Variants in DNAH7 observed in about 807,000 individuals in gnomAD.
DNAH7 encodes dynein axonemal heavy chain 7.
Under a neutral mutation model 444.6 loss-of-function variants are expected in DNAH7, and 397 were observed. The ratio of observed to expected loss-of-function variants is 0.89; its 90% confidence interval spans 0.82 to 0.97. The LOEUF (loss-of-function observed/expected upper bound fraction) is 0.97. DNAH7 is among the 50% of genes least tolerant of loss of function. The pLI, the probability that DNAH7 is intolerant of heterozygous loss-of-function variation, is 0.00. For missense variants in DNAH7, 4,902 were observed against 4,800.8 expected, an observed-to-expected ratio of 1.02 and a Z score of -0.62; for synonymous variants, 1,636 against 1,624.4, an observed-to-expected ratio of 1.01 and a Z score of -0.17.
rs555297932 is a variant in DNAH7 at position 195,837,971 on chromosome 2, T to A, written c.8946-3611A>T. 5.3e-5 allele frequency among the ~76,000 whole-genome samples: 8 copies of A among 152,258 alleles called. 1 individual carries two copies. The South Asian group carries it at 1.7e-3, about 32-fold the overall frequency. ...AAGTATAAAAAAGGTGCCCCTGGGA[T>A]ATGGAAAGTGGGGCAGGGGTAGGAT... On this transcript the variant is annotated intron_variant, in intron 47 of 64. Coordinates refer to ENST00000312428, the MANE Select transcript of DNAH7 (RefSeq NM_018897.3).
intron 28 of DNAH7, among the ~76,000 whole-genome samples, chr2:195,898,137 T>C (rs775990628): frequency 2.6e-5 from 4 of 152,182 alleles, no homozygotes; most frequent in Non-Finnish European, 5.9e-5. Context: ...TTATTAAAAG[T>C]GGGCAATCAT....
At chr2:195,909,923 T>C in intron 25 of DNAH7, 104 bp downstream of exon 25, 1 of 1,215,066 alleles carries the variant, frequency 8.2e-7, no homozygotes, top group African/African-American at 1.5e-5. Context: ...TTACTTTTAC[T>C]TAAGCTACAG....
intron 24 of DNAH7, among the ~76,000 whole-genome samples, chr2:195,910,979 C>T (rs1687324871): frequency 6.6e-6 from 1 of 152,130 alleles, no homozygotes; most frequent in Non-Finnish European, 1.5e-5. Flanking sequence ...CAGAAAAAAA[C>T]TCTAGAGTCT....
intron 5 of DNAH7, among the ~76,000 whole-genome samples, chr2:196,046,596 C>T (rs934717788): frequency 1.3e-5 from 2 of 152,090 alleles, no homozygotes; most frequent in African/African-American, 4.8e-5. Context: ...AAACTCGAAA[C>T]CACTCTAGAA....
Position 196,047,443 on chromosome 2 carries a change from TATC to T in DNAH7, c.304_306del (p.Asp102del), listed in dbSNP as rs1559367782. 1.2e-6 allele frequency: 2 copies of T among 1,604,414 alleles called. No homozygotes were observed. Among genetic ancestry groups the T allele is most frequent in the Non-Finnish European group, 1.7e-6 (2 of 1,174,558 alleles). On this transcript the variant is annotated inframe_deletion, in exon 5 of 65. Transcript: ENST00000312428. ...TTGGAAGTAGATGGTCCAACATAAC[TATC>T]ATCAACTTGGTGGGGTAATTTGCCC...
chr2:195,789,631 T>G (rs1039057687), intron 57 of DNAH7, among the ~76,000 whole-genome samples: 4 of 152,114 alleles, frequency 2.6e-5, no homozygotes, highest in Non-Finnish European at 5.9e-5. Flanking sequence ...TACTTTGTCT[T>G]GGTGATCAGA....
chr2:195,876,395 A>T, intron 37 of DNAH7, 149 bp downstream of exon 37: 1 of 718,482 alleles, frequency 1.4e-6, no homozygotes, highest in Non-Finnish European at 2.2e-6. Flanking sequence ...ATACAAATGT[A>T]ACTACATTTT....
rs1207810437 is a variant in DNAH7, at chr2:195,992,306, AGT to A, written c.1354-4079_1354-4078del. Among the ~76,000 whole-genome samples, 4 of 152,302 alleles carry A rather than the reference AGT, an allele frequency of 2.6e-5. No homozygotes were observed. In the East Asian group the frequency reaches 5.8e-4, roughly 22 times the overall value. On this transcript the variant is annotated intron_variant, in intron 12 of 64. Transcript: ENST00000312428. ...CACACTGATGTTTTGTACTAAGTCT[AGT>A]GTGTGTGAAGGGAGGAGACCACAGG... is the stretch of plus-strand genomic sequence containing the variant.
At chr2:195,799,197 T>C in intron 55 of DNAH7, 99 bp downstream of exon 55, 4 of 1,085,538 alleles carry the variant, frequency 3.7e-6, no homozygotes, top group Non-Finnish European at 5.0e-6. Context: ...AAAGGTTGAA[T>C]GACAAATTTC....
intron 5 of DNAH7, among the ~76,000 whole-genome samples, chr2:196,038,084 C>G (rs1696506958): frequency 6.6e-6 from 1 of 151,086 alleles, no homozygotes; most frequent in Non-Finnish European, 1.5e-5. Flanking sequence ...CCTTAAAGAC[C>G]AAGACAGAAT....
chr2:195,957,237 A>G (rs1343383787), intron 19 of DNAH7, 24 bp downstream of exon 19: 1 of 1,456,858 alleles, frequency 6.9e-7, no homozygotes, highest in Non-Finnish European at 9.2e-7. Flanking sequence ...AAATAATGAC[A>G]TTTTTGGAGA....
intron 48 of DNAH7, among the ~76,000 whole-genome samples, chr2:195,827,438 C>A (rs1404487251): frequency 6.6e-6 from 1 of 151,838 alleles, no homozygotes; most frequent in East Asian, 1.9e-4. Context: ...CCATCACACC[C>A]AGCTAATTTT....
At chr2:195,967,618 T>C (rs1574908533) in intron 17 of DNAH7, among the ~76,000 whole-genome samples, 1 of 152,230 alleles carries the variant, frequency 6.6e-6, no homozygotes, top group East Asian at 1.9e-4. Flanking sequence ...TTTCATGATA[T>C]ACTATTCTAG....
chr2:195,976,784 A>AGAGAGAGAGAGAGAGAGAGAGG (rs1271382845), intron 15 of DNAH7, among the ~76,000 whole-genome samples: 6 of 146,028 alleles, frequency 4.1e-5, no homozygotes, highest in Admixed American at 1.4e-4. Context: ...AGAGAGAGAG[A>AGAGAGAGAGAGAGAGAGAGAGG]GAGACTCTCT....
chr2:195,959,962 G>A (rs1336135985), intron 18 of DNAH7, among the ~76,000 whole-genome samples: 2 of 152,176 alleles, frequency 1.3e-5, no homozygotes, highest in Non-Finnish European at 2.9e-5. Context: ...ATATCTGGAT[G>A]TTGATTGTCC....
chr2:196,065,015 T>C (rs1393672637), intron 1 of DNAH7, among the ~76,000 whole-genome samples: 1 of 152,180 alleles, frequency 6.6e-6, no homozygotes, highest in Non-Finnish European at 1.5e-5. Flanking sequence ...TTTAATTCCA[T>C]TGGTTTATTA....
At chr2:195,969,530 T>TG (rs1691703131) in intron 17 of DNAH7, among the ~76,000 whole-genome samples, 1 of 152,156 alleles carries the variant, frequency 6.6e-6, no homozygotes, top group East Asian at 1.9e-4. Flanking sequence ...GAGAAAATAA[T>TG]GGACCTTATT....
chr2:196,055,884 T>C (rs1022346833), intron 2 of DNAH7, among the ~76,000 whole-genome samples: 21 of 152,208 alleles, frequency 1.4e-4, no homozygotes, highest in African/African-American at 4.6e-4. Context: ...ATCCATGCTG[T>C]TGCTGAGCTA....
intron 57 of DNAH7, among the ~76,000 whole-genome samples, chr2:195,789,515 T>C (rs1695777588): frequency 6.6e-6 from 1 of 152,142 alleles, no homozygotes; most frequent in African/African-American, 2.4e-5. Flanking sequence ...GGGCTGGATT[T>C]TGATGAGGAA....
Sources: gnomAD v4.1 joint callset for allele counts (sites outside exome capture counted in the v4.1 genomes callset) on GRCh38, gnomAD v4.1.1 for gene constraint, MANE v1.5 for transcripts, NCBI Gene and HGNC (gene_info 2026-07-23, HGNC 2026-07-21) for gene names.